COL4A1: variants seen among roughly 807,000 people sequenced by gnomAD.
COL4A1 encodes collagen type IV alpha 1 chain, also known as collagen alpha-1(IV) chain.
COL4A1 carries 40 observed loss-of-function variants against 216.6 expected under a neutral mutation model. That is an observed-to-expected ratio of 0.18 (90% CI 0.14 to 0.24). The LOEUF (loss-of-function observed/expected upper bound fraction) is 0.24, where lower values mean the gene tolerates loss of function less well. Among genes scored for constraint, COL4A1 ranks in the 10% least tolerant of loss-of-function variants. The pLI, the probability that COL4A1 is intolerant of heterozygous loss-of-function variation, is 1.00. For missense variants in COL4A1, 1,628 were observed against 2,196.8 expected (o/e 0.74, Z 5.18); for synonymous variants, 839 against 810.7 (o/e 1.03, Z -0.59).
chr13:110,195,409 A>G (rs1204002310), intron 21 of COL4A1, among the ~76,000 whole-genome samples: 1 of 152,172 alleles, frequency 6.6e-6, no homozygotes. Context: ...ATTTCATTTC[A>G]TCTTGCGAAG....
At chr13:110,246,021 T>C (rs1810425263) in intron 1 of COL4A1, among the ~76,000 whole-genome samples, 1 of 152,070 alleles carries the variant, frequency 6.6e-6, no homozygotes, top group Non-Finnish European at 1.5e-5. Context: ...TTATCAATTC[T>C]AAAAAATTGA....
intron 1 of COL4A1, among the ~76,000 whole-genome samples, chr13:110,267,718 A>G (rs1412856851): frequency 6.6e-6 from 1 of 152,212 alleles, no homozygotes; most frequent in East Asian, 1.9e-4. Flanking sequence ...CTATGATAAA[A>G]TTTGCAATAT....
At chr13:110,194,609 G>A (rs1262858937) in intron 22 of COL4A1, among the ~76,000 whole-genome samples, 2 of 152,200 alleles carry the variant, frequency 1.3e-5, no homozygotes, top group African/African-American at 4.8e-5. Context: ...ACCACTGGAA[G>A]AATTGGTGAG....
At chr13:110,250,239 G>C (rs1882012838) in intron 1 of COL4A1, among the ~76,000 whole-genome samples, 1 of 151,016 alleles carries the variant, frequency 6.6e-6, no homozygotes, top group African/African-American at 2.4e-5. Context: ...GTGAGAAACA[G>C]TGAATTTCTA....
intron 1 of COL4A1, among the ~76,000 whole-genome samples, chr13:110,267,890 T>C (rs1205131969): frequency 6.6e-6 from 1 of 152,144 alleles, no homozygotes; most frequent in Admixed American, 6.5e-5. Context: ...TGTATTTATG[T>C]ATACATAAAA....
chr13:110,296,003 C>T (rs986643222), intron 1 of COL4A1, among the ~76,000 whole-genome samples: 2 of 152,220 alleles, frequency 1.3e-5, no homozygotes, highest in African/African-American at 4.8e-5. Context: ...CTAACTTCAG[C>T]CCTGCGCCTC....
chr13:110,281,154 T>A (rs571761382), intron 1 of COL4A1, among the ~76,000 whole-genome samples: 24 of 152,284 alleles, frequency 1.6e-4, no homozygotes, highest in Admixed American at 1.5e-3. Flanking sequence ...CCACAAAACG[T>A]GGCCGGCACT....
At chr13:110,214,037 C>T (rs1334547957) in intron 2 of COL4A1, 22 bp from the exon 3 acceptor site, 15 of 1,600,816 alleles carry the variant, frequency 9.4e-6, no homozygotes, top group Non-Finnish European at 1.3e-5. Context: ...GAACATCAGT[C>T]AGGCAAAAGG....
At chr13:110,221,946 C>A (rs1168559277) in intron 2 of COL4A1, among the ~76,000 whole-genome samples, 1 of 152,214 alleles carries the variant, frequency 6.6e-6, no homozygotes, top group African/African-American at 2.4e-5. Flanking sequence ...AGCTTAATTC[C>A]GTTTTCGCAT....
At chr13:110,202,663 G>T (rs547878276) in intron 18 of COL4A1, among the ~76,000 whole-genome samples, 2 of 152,200 alleles carry the variant, frequency 1.3e-5, no homozygotes, top group South Asian at 4.2e-4. Flanking sequence ...AAAAAGTCTG[G>T]GGGCAAAATG....
intron 2 of COL4A1, among the ~76,000 whole-genome samples, chr13:110,223,340 A>C (rs947882961): frequency 6.6e-6 from 1 of 152,168 alleles, no homozygotes; most frequent in African/African-American, 2.4e-5. Flanking sequence ...CTTATGCATT[A>C]AGGTAATTTA....
At chr13:110,179,490 G>GT in intron 29 of COL4A1, 69 bp from the exon 30 acceptor site, 1 of 1,606,478 alleles carries the variant, frequency 6.2e-7, no homozygotes, top group Non-Finnish European at 8.5e-7. Context: ...AACCAATAGC[G>GT]TAAGTGAAGA....
chr13:110,226,514 A>C (rs1298164441), intron 2 of COL4A1, among the ~76,000 whole-genome samples: 1 of 152,218 alleles, frequency 6.6e-6, no homozygotes, highest in Non-Finnish European at 1.5e-5. Context: ...TCAATACTCC[A>C]TTAATCATAC....
intron 17 of COL4A1, among the ~76,000 whole-genome samples, chr13:110,204,765 AC>A (rs1879413620): frequency 6.6e-6 from 1 of 151,878 alleles, no homozygotes; most frequent in South Asian, 2.1e-4. Context: ...CTGACTGTGG[AC>A]CCCAATATTA....
chr13:110,174,462 A>G lies in COL4A1; in HGVS notation c.3390T>C (p.Gly1130=). Residue 1130 remains glycine, a synonymous_variant, in exon 39 of 52, where the codon GGT becomes GGC. Coordinates refer to ENST00000375820, the MANE Select transcript of COL4A1 (RefSeq NM_001845.6). Reference sequence around the variant, plus strand: ...GCCCTCTACCTGCTTCTCCTTTGACACCAGGGATGCCATCCAATCCTGGGA... The same window carrying G: ...GCCCTCTACCTGCTTCTCCTTTGACGCCAGGGATGCCATCCAATCCTGGGA... ...KGLPGLDGIP[G]VKGEAGLPGT... is the part of the protein sequence containing the mutation. The G allele has an allele frequency of 1.9e-6, 3 of 1,613,896 alleles. No homozygotes were observed. The highest frequency in any genetic ancestry group is 1.7e-4 in the Middle Eastern group (1 of 5,986).
intron 50 of COL4A1, among the ~76,000 whole-genome samples, chr13:110,154,866 T>G (rs1301735673): frequency 6.6e-6 from 1 of 152,192 alleles, no homozygotes; most frequent in African/African-American, 2.4e-5. Flanking sequence ...GCTAGTCATA[T>G]GGAGAAGCTG....
chr13:110,153,687 G>T (rs769710708), intron 50 of COL4A1, among the ~76,000 whole-genome samples: 52 of 152,146 alleles, frequency 3.4e-4, no homozygotes, highest in Non-Finnish European at 2.1e-4. Flanking sequence ...TCGAATTATT[G>T]CAACAACCTG....
chr13:110,226,292 T>G (rs544012), intron 2 of COL4A1, among the ~76,000 whole-genome samples: 105,252 of 152,126 alleles, frequency 0.69, 36,925 homozygotes, highest in Middle Eastern at 0.8. Context: ...AATATCTCTG[T>G]AATTCAGGCA....
At chr13:110,248,515 G>A (rs1881937657) in intron 1 of COL4A1, among the ~76,000 whole-genome samples, 1 of 151,914 alleles carries the variant, frequency 6.6e-6, no homozygotes, top group African/African-American at 2.4e-5. Flanking sequence ...ACGTCCTGCT[G>A]GGGTCTCGCT....
Sources: allele counts gnomAD v4.1 joint callset (sites outside exome capture counted in the v4.1 genomes callset), GRCh38; gene constraint gnomAD v4.1.1; transcripts MANE v1.5; gene names NCBI Gene and HGNC (gene_info 2026-07-23, HGNC 2026-07-21).